CDH18: variants seen among roughly 807,000 people sequenced by gnomAD.
The protein encoded by CDH18 is cadherin-18.
CDH18 carries 31 observed loss-of-function variants against 67.9 expected under a neutral mutation model. The ratio of observed to expected loss-of-function variants is 0.46; its 90% CI spans 0.34 to 0.62. CDH18 has a LOEUF of 0.62. Ranked by LOEUF, CDH18 falls within the 20% of genes least tolerant of loss-of-function variation. The pLI, the probability that CDH18 is intolerant of heterozygous loss-of-function variation, is 0.01. For missense variants in CDH18, 890 were observed against 975.5 expected (o/e 0.91, Z 1.17); for synonymous variants, 362 against 347.2 (o/e 1.04, Z -0.48).
intron 3 of CDH18, among the ~76,000 whole-genome samples, chr5:19,785,654 CAAAAAAAAAAAAAA>C (rs35498841): frequency 0.026 from 99 of 3,818 alleles, 2 homozygotes; most frequent in African/African-American, 0.058. Context: ...AACTCTGTCT[CAAAAAAAAAAAAAA>C]AAAAAAAAAA....
chr5:20,493,356 T>TTAAAA (rs1391590923), intron 1 of CDH18, among the ~76,000 whole-genome samples: 2 of 47,194 alleles, frequency 4.2e-5, no homozygotes, highest in African/African-American at 1.7e-4. Flanking sequence ...TTCAGAAAAT[T>TTAAAA]AAAAAAAAAA....
chr5:19,571,751 A>G lies in CDH18; in HGVS notation c.1081T>C (p.Leu361=). 1.2e-6 allele frequency: 2 copies of G among 1,613,984 alleles called. No individual in the cohort carries two copies. The highest frequency in any genetic ancestry group is 1.7e-6 in the Non-Finnish European group (2 of 1,179,898). ...NTHLDFRFSH[L]GPFKDATMLK... is the part of the protein sequence containing the mutation. The stretch of plus-strand genomic sequence containing the variant: ...ATAGTAGCATCTTTAAAAGGACCCA[A>G]GTGAGAAAAGCGAAAATCAAGATGT... Residue 361 remains leucine, a synonymous_variant, in exon 8 of 13, where the codon TTG becomes CTG. Transcript: ENST00000382275.
intron 2 of CDH18, among the ~76,000 whole-genome samples, chr5:20,002,401 T>TTA (rs1366957589): frequency 6.6e-6 from 1 of 152,222 alleles, no homozygotes; most frequent in Non-Finnish European, 1.5e-5. Flanking sequence ...GTTCATTGCC[T>TTA]TTAATAAGCA....
At chr5:20,050,290 G>C (rs183126586) in intron 2 of CDH18, among the ~76,000 whole-genome samples, 2 of 151,746 alleles carry the variant, frequency 1.3e-5, no homozygotes, top group South Asian at 4.1e-4. Context: ...TTTGATTTGG[G>C]TATGCTGTAG....
intron 1 of CDH18, among the ~76,000 whole-genome samples, chr5:20,388,062 C>T (rs1400264665): frequency 2.0e-5 from 3 of 152,112 alleles, no homozygotes; most frequent in Non-Finnish European, 4.4e-5. Flanking sequence ...GCTTTGGTAT[C>T]AGGATGATGC....
intron 2 of CDH18, among the ~76,000 whole-genome samples, chr5:19,904,640 C>T (rs1169008310): frequency 6.6e-6 from 1 of 152,154 alleles, no homozygotes; most frequent in African/African-American, 2.4e-5. Flanking sequence ...GATACATAAA[C>T]TTGGCTAAAT....
chr5:19,930,582 G>A (rs1405378129), intron 2 of CDH18, among the ~76,000 whole-genome samples: 1 of 152,080 alleles, frequency 6.6e-6, no homozygotes, highest in Middle Eastern at 3.4e-3. Context: ...GTTACCATGG[G>A]AGAGGCTCCG....
upstream of CDH18, among the ~76,000 whole-genome samples, chr5:19,990,025 T>A (rs1413123616): frequency 6.6e-6 from 1 of 152,228 alleles, no homozygotes; most frequent in African/African-American, 2.4e-5. Flanking sequence ...ATGCAGCTAC[T>A]GTTTTAAATG....
chr5:19,949,371 C>T (rs191119293), intron 2 of CDH18, among the ~76,000 whole-genome samples: 2 of 152,090 alleles, frequency 1.3e-5, no homozygotes, highest in Non-Finnish European at 2.9e-5. Flanking sequence ...CATAATATTT[C>T]ATGTAGAGGC....
intron 2 of CDH18, among the ~76,000 whole-genome samples, chr5:19,889,719 T>C (rs920838343): frequency 2.0e-5 from 3 of 152,082 alleles, no homozygotes; most frequent in African/African-American, 7.2e-5. Flanking sequence ...AAAAATGAGA[T>C]CTAGCAATTT....
At chr5:19,930,468 T>C (rs879680663) in intron 2 of CDH18, among the ~76,000 whole-genome samples, 20 of 152,042 alleles carry the variant, frequency 1.3e-4, no homozygotes, top group Non-Finnish European at 2.4e-4. Flanking sequence ...CTCTCTCATA[T>C]TATGGAAGTG....
chr5:20,106,315 A>C (rs2150584223), intron 2 of CDH18, among the ~76,000 whole-genome samples: 1 of 152,338 alleles, frequency 6.6e-6, no homozygotes, highest in Non-Finnish European at 1.5e-5. Context: ...TTAAAAACTC[A>C]GAATTTCTCA....
intron 3 of CDH18, among the ~76,000 whole-genome samples, chr5:19,829,507 G>T (rs1461521241): frequency 6.6e-6 from 1 of 152,136 alleles, no homozygotes; most frequent in Non-Finnish European, 1.5e-5. Context: ...CCTAATCAGG[G>T]AGGTGAAAGG....
At chr5:20,122,829 C>CAT (rs929477856) in intron 2 of CDH18, among the ~76,000 whole-genome samples, 14 of 143,804 alleles carry the variant, frequency 9.7e-5, no homozygotes, top group South Asian at 2.2e-4. Context: ...TATATATATA[C>CAT]ATATATATAT....
intron 1 of CDH18, among the ~76,000 whole-genome samples, chr5:20,380,264 G>C (rs1743808611): frequency 1.3e-5 from 2 of 152,056 alleles, no homozygotes; most frequent in Admixed American, 1.3e-4. Flanking sequence ...TTATTTTCAA[G>C]TATCTATAGT....
At chr5:19,634,792 C>T (rs1752895329) in intron 5 of CDH18, among the ~76,000 whole-genome samples, 1 of 151,768 alleles carries the variant, frequency 6.6e-6, no homozygotes, top group East Asian at 1.9e-4. Flanking sequence ...ACAAAATTAG[C>T]CTGGCGTGGT....
At chr5:20,001,995 T>A (rs187108447) in intron 2 of CDH18, among the ~76,000 whole-genome samples, 8 of 152,282 alleles carry the variant, frequency 5.3e-5, no homozygotes, top group African/African-American at 1.4e-4. Flanking sequence ...CTGCCAATAT[T>A]CATATATCAG....
intron 2 of CDH18, among the ~76,000 whole-genome samples, chr5:20,227,795 G>C (rs1741749692): frequency 6.6e-6 from 1 of 150,686 alleles, no homozygotes. Context: ...GTCTCTATCA[G>C]TATTTTAAAA....
Position 20,502,287 on chromosome 5 carries a change from A to G in CDH18, c.-580+73175T>C, listed in dbSNP as rs182590040. Reference sequence around the variant, plus strand: ...TTGATGCTATAGATAAATATGCATGACACACTCGACCTGTGAAAATATGAG... The same window carrying G: ...TTGATGCTATAGATAAATATGCATGGCACACTCGACCTGTGAAAATATGAG... On this transcript the variant is annotated intron_variant, in intron 1 of 14. Coordinates refer to the CDH18 transcript ENST00000507958. 1.6e-3 allele frequency among the ~76,000 whole-genome samples: 237 copies of G among 152,322 alleles called. 6 individuals are homozygous for G. The highest frequency in any genetic ancestry group is 5.9e-4 in the Non-Finnish European group (40 of 68,024).
Sources: gnomAD v4.1 joint callset for allele counts (sites outside exome capture counted in the v4.1 genomes callset) on GRCh38, gnomAD v4.1.1 for gene constraint, MANE v1.5 for transcripts, NCBI Gene and HGNC (gene_info 2026-07-23, HGNC 2026-07-21) for gene names.